The following GPC6 variants were observed in gnomAD, a reference collection of about 807,000 sequenced individuals.
GPC6 encodes the protein glypican 6, also known as glypican-6.
GPC6 carries 14 observed loss-of-function variants against 55.2 expected under a neutral mutation model. The ratio of observed to expected loss-of-function variants is 0.25; its 90% CI spans 0.17 to 0.40. The LOEUF (loss-of-function observed/expected upper bound fraction) is 0.40, where lower values mean the gene tolerates loss of function less well. GPC6 is among the 10% of genes least tolerant of loss of function. GPC6 has a pLI of 1.00. For synonymous variants in GPC6, 278 were observed against 259.6 expected, an observed-to-expected ratio of 1.07 and a Z score of -0.68; for missense variants, 641 against 708.5, an observed-to-expected ratio of 0.90 and a Z score of 1.08.
At chr13:93,744,229 G>A (rs1406943046) in intron 2 of GPC6, among the ~76,000 whole-genome samples, 1 of 152,178 alleles carries the variant, frequency 6.6e-6, no homozygotes, top group Non-Finnish European at 1.5e-5. Context: ...TCCATGGCCA[G>A]TGTTTTTCCT....
At chr13:93,546,582 T>C (rs1874799673) in intron 2 of GPC6, among the ~76,000 whole-genome samples, 2 of 152,218 alleles carry the variant, frequency 1.3e-5, no homozygotes, top group African/African-American at 4.8e-5. Context: ...TGTATAACTA[T>C]ATGTGGATGT....
chr13:93,378,978 A>G (rs1875039453), intron 1 of GPC6, among the ~76,000 whole-genome samples: 1 of 147,618 alleles, frequency 6.8e-6, no homozygotes, highest in East Asian at 2.0e-4. Context: ...CTGGGTGACA[A>G]AGCAAAACTC....
chr13:93,809,866 T>A (rs752275237), intron 2 of GPC6, among the ~76,000 whole-genome samples: 2 of 152,214 alleles, frequency 1.3e-5, no homozygotes, highest in Non-Finnish European at 2.9e-5. Context: ...AGAAGCCCAC[T>A]TTTGTACCTG....
At chr13:93,700,668 C>A (rs1013577703) in intron 2 of GPC6, among the ~76,000 whole-genome samples, 2 of 152,082 alleles carry the variant, frequency 1.3e-5, no homozygotes. Flanking sequence ...TTGTAGTCTG[C>A]ATACTTTTAC....
intron 1 of GPC6, among the ~76,000 whole-genome samples, chr13:93,259,329 G>A (rs939441922): frequency 7.2e-5 from 11 of 152,174 alleles, no homozygotes; most frequent in Non-Finnish European, 8.8e-5. Context: ...TGTGGAAGTG[G>A]GTGAGTCCTA....
chr13:93,467,760 T>G (rs1303767746), intron 1 of GPC6, among the ~76,000 whole-genome samples: 1 of 151,826 alleles, frequency 6.6e-6, no homozygotes, highest in Non-Finnish European at 1.5e-5. Context: ...TATTTTTTAT[T>G]TTTATTTTTT....
chr13:93,473,469 G>C (rs1378139711), intron 1 of GPC6, among the ~76,000 whole-genome samples: 1 of 152,210 alleles, frequency 6.6e-6, no homozygotes, highest in African/African-American at 2.4e-5. Flanking sequence ...CAGGAAGTGA[G>C]AGCAGTCACC....
intron 6 of GPC6, among the ~76,000 whole-genome samples, chr13:94,317,653 C>G (rs1876608039): frequency 6.6e-6 from 1 of 152,166 alleles, no homozygotes; most frequent in African/African-American, 2.4e-5. Context: ...TCCTCATGCT[C>G]TCTTTTGTCA....
At chr13:93,911,889 A>G (rs527518374) in intron 3 of GPC6, among the ~76,000 whole-genome samples, 2 of 152,332 alleles carry the variant, frequency 1.3e-5, no homozygotes, top group East Asian at 1.9e-4. Context: ...GTCAAATGAG[A>G]ACAGTATGCA....
intron 7 of GPC6, among the ~76,000 whole-genome samples, chr13:94,397,224 G>A (rs1285073529): frequency 1.3e-5 from 2 of 151,928 alleles, no homozygotes; most frequent in African/African-American, 4.8e-5. Flanking sequence ...GAGAGAAATG[G>A]GAAATGGGAA....
chr13:93,939,545 T>A (rs9589868), intron 3 of GPC6, among the ~76,000 whole-genome samples: 2,399 of 152,102 alleles, frequency 0.016, 72 homozygotes, highest in African/African-American at 0.055. Context: ...GGCTTAGAGT[T>A]ACGTTTTTTT....
chr13:94,189,254 A>G (rs1044651957), intron 4 of GPC6, among the ~76,000 whole-genome samples: 1 of 152,094 alleles, frequency 6.6e-6, no homozygotes, highest in African/African-American at 2.4e-5. Flanking sequence ...TCTCCTCTGT[A>G]CAAAATGGGC....
chr13:94,226,209 C>T (rs1890553389), intron 4 of GPC6, among the ~76,000 whole-genome samples: 1 of 152,076 alleles, frequency 6.6e-6, no homozygotes, highest in South Asian at 2.1e-4. Context: ...AGTTTATATA[C>T]ATAAATAATT....
intron 1 of GPC6, among the ~76,000 whole-genome samples, chr13:93,358,986 T>G (rs866196473): frequency 0.02 from 2,558 of 125,890 alleles, 25 homozygotes; most frequent in Middle Eastern, 0.029. Flanking sequence ...TTTTTTTTTT[T>G]TTGTTTTTTT....
chr13:93,927,384 C>G (rs1321778600), intron 3 of GPC6, among the ~76,000 whole-genome samples: 1 of 152,082 alleles, frequency 6.6e-6, no homozygotes, highest in Non-Finnish European at 1.5e-5. Flanking sequence ...ATCTTGCTGT[C>G]AAACTTCTTG....
intron 2 of GPC6, among the ~76,000 whole-genome samples, chr13:93,789,462 G>T (rs2138919175): frequency 7.7e-6 from 1 of 130,180 alleles, no homozygotes; most frequent in Non-Finnish European, 1.6e-5. Flanking sequence ...TTACAGTAAA[G>T]GACTTAAATA....
At chr13:93,335,899 A>G (rs548326402) in intron 1 of GPC6, among the ~76,000 whole-genome samples, 1 of 152,350 alleles carries the variant, frequency 6.6e-6, no homozygotes, top group South Asian at 2.1e-4. Context: ...TTGTAGTTCT[A>G]TTATGGAAAA....
At position 93,667,735 on chromosome 13, in the gene GPC6, G is replaced by GT. The variant is rs71126408; in HGVS notation, c.319+122327dup. Among the ~76,000 whole-genome samples, 626 of 122,964 alleles carry GT rather than the reference G, an allele frequency of 5.1e-3. 8 individuals are homozygous for GT. Among genetic ancestry groups the GT allele is most frequent in the African/African-American group, 0.013 (355 of 27,000 alleles). The allele number at this position is 122,964 out of a possible 152,430, so 80.7% of individuals were successfully genotyped here. On this transcript the variant is annotated intron_variant, in intron 2 of 8. Coordinates refer to ENST00000377047, the MANE Select transcript of GPC6 (RefSeq NM_005708.5). ...AAACCACCACACCCAGCCAGGACTTGTTTTTTTTTTTTTCTGTCAAATTTG... is the reference window on the plus strand; with the variant it reads ...AAACCACCACACCCAGCCAGGACTTGTTTTTTTTTTTTTTCTGTCAAATTTG...
intron 2 of GPC6, among the ~76,000 whole-genome samples, chr13:93,823,864 T>A (rs1013946681): frequency 1.3e-5 from 2 of 152,148 alleles, no homozygotes; most frequent in Non-Finnish European, 2.9e-5. Context: ...GAGTAAATAA[T>A]AATACTTATA....
Sources: allele counts gnomAD v4.1 joint callset (sites outside exome capture counted in the v4.1 genomes callset), GRCh38; gene constraint gnomAD v4.1.1; transcripts MANE v1.5; gene names NCBI Gene and HGNC (gene_info 2026-07-23, HGNC 2026-07-21).